Variants in CHFR observed in about 807,000 individuals in gnomAD.
The protein encoded by CHFR is checkpoint with forkhead and ring finger domains.
A neutral mutation model predicts 87.6 loss-of-function variants in CHFR; 57 were observed. The ratio of observed to expected loss-of-function variants is 0.65; its 90% confidence interval spans 0.53 to 0.81. The LOEUF (loss-of-function observed/expected upper bound fraction) is 0.81. CHFR is among the 30% of genes least tolerant of loss of function. The pLI is 0.00. For synonymous variants in CHFR, 381 were observed against 359.2 expected (o/e 1.06, Z -0.69); for missense variants, 797 against 865.8 (o/e 0.92, Z 1.00).
chr12:132,878,147 A>G (rs1032101199), intron 2 of CHFR, among the ~76,000 whole-genome samples: 7 of 152,008 alleles, frequency 4.6e-5, no homozygotes, highest in Non-Finnish European at 8.8e-5. Flanking sequence ...GACACCCATC[A>G]ATACCTCCAG....
intron 3 of CHFR, among the ~76,000 whole-genome samples, chr12:132,872,872 A>G (rs1451980360): frequency 6.6e-6 from 1 of 152,188 alleles, no homozygotes; most frequent in Non-Finnish European, 1.5e-5. Context: ...CGTCAGCTGC[A>G]GGACATGGCC....
At chr12:132,878,075 T>C (rs1951670970) in intron 2 of CHFR, among the ~76,000 whole-genome samples, 1 of 152,156 alleles carries the variant, frequency 6.6e-6, no homozygotes, top group South Asian at 2.1e-4. Context: ...GTGCTGAGAT[T>C]ACAGGCGTGA....
chr12:132,862,482 T>C (rs1951234793), intron 6 of CHFR: 4 of 432,034 alleles, frequency 9.3e-6, no homozygotes, highest in Admixed American at 5.2e-5. Flanking sequence ...TACGAGCATA[T>C]GGTCCCAGCT....
intron 15 of CHFR, among the ~76,000 whole-genome samples, chr12:132,845,195 C>G (rs1016385050): frequency 7.2e-5 from 11 of 152,156 alleles, no homozygotes; most frequent in African/African-American, 2.6e-4. Context: ...GTGGCTCGCG[C>G]CTGTAATCCC....
intron 2 of CHFR, 43 bp downstream of exon 2, chr12:132,887,153 C>T: frequency 7.0e-7 from 1 of 1,433,992 alleles, no homozygotes; most frequent in Non-Finnish European, 9.1e-7. Context: ...AACCCGGTGG[C>T]TCTGCCCGGC....
intron 3 of CHFR, among the ~76,000 whole-genome samples, chr12:132,872,877 A>G (rs1271941846): frequency 1.3e-5 from 2 of 152,158 alleles, no homozygotes; most frequent in African/African-American, 4.8e-5. Flanking sequence ...GCTGCAGGAC[A>G]TGGCCCTGCA....
intron 3 of CHFR, 122 bp downstream of exon 3, chr12:132,877,433 C>T (rs1566203010): frequency 1.8e-6 from 1 of 567,720 alleles, no homozygotes; most frequent in Non-Finnish European, 3.1e-6. Context: ...AAATGAGCCG[C>T]TGTTATCACA....
intron 6 of CHFR, chr12:132,866,790 G>A (rs1951355175): frequency 6.6e-6 from 1 of 152,236 alleles, no homozygotes; most frequent in Non-Finnish European, 1.5e-5. Flanking sequence ...CAGATGGCTG[G>A]GATGTCATCC....
At chr12:132,874,085 C>T (rs1269839264) in intron 3 of CHFR, among the ~76,000 whole-genome samples, 2 of 152,238 alleles carry the variant, frequency 1.3e-5, no homozygotes, top group African/African-American at 2.4e-5. Context: ...AACAAATTCT[C>T]CCCTGGAGCC....
rs777268583 is a variant in CHFR at position 132,847,023 on chromosome 12, G to A, written c.1735+20C>T. 6.3e-7 allele frequency: 1 copy of A among 1,579,944 alleles called. No homozygotes were observed. Among genetic ancestry groups the A allele is most frequent in the South Asian group, 1.1e-5 (1 of 90,404 alleles). ...GACACTCACATGCGCCTTAGAGCAG[G>A]AGGCAACAGAAGAACTCACCAGACA... On this transcript the variant is annotated intron_variant, in intron 15 of 17. Coordinates refer to ENST00000450056, the MANE Select transcript of CHFR (RefSeq NM_001161346.2).
At chr12:132,879,907 G>A (rs1951727760) in intron 2 of CHFR, among the ~76,000 whole-genome samples, 1 of 152,208 alleles carries the variant, frequency 6.6e-6, no homozygotes, top group African/African-American at 2.4e-5. Context: ...AAGACACCCT[G>A]AATCTGCTTT....
Position 132,879,256 on chromosome 12 carries a change from A to G in CHFR, c.134-1602T>C, listed in dbSNP as rs543570180. Among the ~76,000 whole-genome samples the G allele has an allele frequency of 3.3e-5, 5 of 152,032 alleles. No homozygotes were observed. The South Asian group carries it at 1.0e-3, about 32-fold the overall frequency. ...TTGATCCACCCGCCTCAGCCTCCCA[A>G]AGTGTTGGGATTACAGGCTTGAGCC... On this transcript the variant is annotated intron_variant, in intron 2 of 17. Transcript: ENST00000450056.
At chr12:132,843,543 T>G (rs1950745692) in intron 16 of CHFR, among the ~76,000 whole-genome samples, 1 of 152,196 alleles carries the variant, frequency 6.6e-6, no homozygotes, top group African/African-American at 2.4e-5. Flanking sequence ...GTTACACTCA[T>G]GAGTAACTGC....
chr12:132,843,998 G>A (rs755970802), intron 16 of CHFR, 29 bp downstream of exon 16: 2 of 1,403,866 alleles, frequency 1.4e-6, no homozygotes, highest in South Asian at 2.3e-5. Flanking sequence ...GACAGAACTA[G>A]AGCCATGAGG....
rs529921235 is a variant in CHFR, at chr12:132,886,542, A to C, written c.133+654T>G. 4.6e-5 allele frequency among the ~76,000 whole-genome samples: 7 copies of C among 152,292 alleles called. No homozygotes were observed. The South Asian group carries it at 1.2e-3, about 27-fold the overall frequency. On this transcript the variant is annotated intron_variant, in intron 2 of 17. Coordinates refer to ENST00000450056, the MANE Select transcript of CHFR (RefSeq NM_001161346.2). ...ACAAAGGCTTCAGAGGAAATCAAAC[A>C]ACCAGATGGTCACTTGGGAGACTGG...
chr12:132,869,485 T>G (rs1566195847), intron 6 of CHFR, 134 bp downstream of exon 6: 5 of 731,202 alleles, frequency 6.8e-6, no homozygotes, highest in African/African-American at 1.8e-5. Context: ...CAATATTGAC[T>G]CCTACAGAAA....
In CHFR at chr12:132,834,738, TAGAGTCTCGCTCTGTCGCCCAGGCG is replaced by T; in HGVS notation, c.*6791_*6815del. On this transcript the variant is annotated 3_prime_UTR_variant, in exon 18 of 18. Coordinates refer to ENST00000450056, the MANE Select transcript of CHFR (RefSeq NM_001161346.2). Reference sequence around the variant, plus strand: ...TTTTTTTTTTTTTTTTTTTTTGAGATAGAGTCTCGCTCTGTCGCCCAGGCGGGAGTGCAGTGGTGCGATCTCGGTT... The same window carrying T: ...TTTTTTTTTTTTTTTTTTTTTGAGATGGAGTGCAGTGGTGCGATCTCGGTT... 1.4e-5 allele frequency: 2 copies of T among 144,014 alleles called. No homozygotes were observed. The highest frequency in any genetic ancestry group is 4.1e-4 in the East Asian group (2 of 4,932). The allele number at this position is 144,014 out of a possible 1,614,324, so 8.9% of individuals were successfully genotyped here.
At position 132,887,189 on chromosome 12, in the gene CHFR, C is replaced by G. The variant is rs145527630; in HGVS notation, c.133+7G>C. ...CCCGGCCCCCGGCCCCGGCCTCAGC[C>G]CCGCACCTCGTCTCCGCCCGATGGT... On this transcript the variant is annotated splice_region_variant and intron_variant, in intron 2 of 17. Coordinates refer to ENST00000450056, the MANE Select transcript of CHFR (RefSeq NM_001161346.2). 1 of 1,488,880 alleles carries G rather than the reference C, an allele frequency of 6.7e-7. No homozygotes were observed. The highest frequency in any genetic ancestry group is 2.2e-5 in the Admixed American group (1 of 44,996). The allele number at this position is 1,488,880 out of a possible 1,614,324, so 92.2% of individuals were successfully genotyped here. A position where few individuals can be genotyped will look rare whatever the true frequency, so the allele number is the denominator to read the frequency against.
At chr12:132,871,749 G>A (rs1051963358) in intron 4 of CHFR, among the ~76,000 whole-genome samples, 2 of 151,880 alleles carry the variant, frequency 1.3e-5, no homozygotes, top group Admixed American at 1.3e-4. Flanking sequence ...TTCAGCCTGG[G>A]CAACAAGAGC....
Sources: allele counts gnomAD v4.1 joint callset (sites outside exome capture counted in the v4.1 genomes callset), GRCh38; gene constraint gnomAD v4.1.1; transcripts MANE v1.5; gene names NCBI Gene and HGNC (gene_info 2026-07-23, HGNC 2026-07-21).